The following SORCS1 variants were observed in gnomAD, a reference collection of about 807,000 sequenced individuals.
SORCS1 encodes sortilin related VPS10 domain containing receptor 1.
Under a neutral mutation model 146.1 loss-of-function variants are expected in SORCS1, and 60 were observed. The observed-to-expected ratio is 0.41, with a 90% CI of 0.33 to 0.51. SORCS1 has a LOEUF of 0.51. Among genes scored for constraint, SORCS1 ranks in the 20% least tolerant of loss-of-function variants. The probability of loss-of-function intolerance (pLI) is 0.21; values close to 1 mark genes in which losing one functional copy is unlikely to be tolerated. For missense variants in SORCS1, 1,352 were observed against 1,487.6 expected (o/e 0.91, Z 1.50); for synonymous variants, 637 against 584.0 (o/e 1.09, Z -1.31).
At chr10:106,699,658 C>T (rs553081927) in intron 8 of SORCS1, among the ~76,000 whole-genome samples, 13 of 152,226 alleles carry the variant, frequency 8.5e-5, no homozygotes, top group Admixed American at 2.0e-4. Flanking sequence ...TTACATAATT[C>T]GAAAAATGCT....
At chr10:106,919,926 CA>C (rs1952627665) in intron 2 of SORCS1, among the ~76,000 whole-genome samples, 1 of 152,290 alleles carries the variant, frequency 6.6e-6, no homozygotes, top group South Asian at 2.1e-4. Flanking sequence ...TTGAGTTTCA[CA>C]ATATACCTGA....
chr10:106,927,536 C>A (rs1000286141), intron 2 of SORCS1, among the ~76,000 whole-genome samples: 1 of 152,100 alleles, frequency 6.6e-6, no homozygotes, highest in Non-Finnish European at 1.5e-5. Flanking sequence ...GGGACATGAG[C>A]GGGTTGCCAC....
At chr10:107,067,883 C>T (rs1454288510) in intron 1 of SORCS1, among the ~76,000 whole-genome samples, 3 of 152,088 alleles carry the variant, frequency 2.0e-5, no homozygotes, top group Non-Finnish European at 4.4e-5. Context: ...TCAGAAAGTG[C>T]CTGGCACATT....
chr10:106,964,054 A>G (rs7918700), intron 1 of SORCS1, among the ~76,000 whole-genome samples: 108,193 of 152,126 alleles, frequency 0.71, 38,597 homozygotes, highest in African/African-American at 0.75. Context: ...TGATTCTGAT[A>G]AAGACGAGAG....
chr10:107,034,705 A>AAAAAAAAAAAAAC, intron 1 of SORCS1, among the ~76,000 whole-genome samples: 1 of 147,718 alleles, frequency 6.8e-6, no homozygotes. Flanking sequence ...AAAAAAAAAA[A>AAAAAAAAAAAAAC]AACAATGTTC....
chr10:107,108,547 T>C (rs1965463484), intron 1 of SORCS1, among the ~76,000 whole-genome samples: 1 of 152,162 alleles, frequency 6.6e-6, no homozygotes, highest in East Asian at 1.9e-4. Context: ...TCTACCCTTA[T>C]GACTCAAATA....
intron 3 of SORCS1, among the ~76,000 whole-genome samples, chr10:106,791,915 C>T (rs1946339241): frequency 6.6e-6 from 1 of 152,046 alleles, no homozygotes; most frequent in Non-Finnish European, 1.5e-5. Flanking sequence ...TTTTTCATTC[C>T]TTTTTCCCTC....
chr10:106,640,159 G>T (rs1318000058), intron 18 of SORCS1, among the ~76,000 whole-genome samples: 2 of 152,202 alleles, frequency 1.3e-5, no homozygotes, highest in African/African-American at 4.8e-5. Flanking sequence ...AGACAAGTGA[G>T]TATCTTGAAG....
At chr10:106,739,897 G>A (rs887398207) in intron 5 of SORCS1, among the ~76,000 whole-genome samples, 3 of 150,778 alleles carry the variant, frequency 2.0e-5, no homozygotes, top group African/African-American at 7.3e-5. Flanking sequence ...CTTGCAATGA[G>A]CTGAGATCAC....
intron 1 of SORCS1, among the ~76,000 whole-genome samples, chr10:106,985,200 TAA>T (rs1339229876): frequency 6.6e-6 from 1 of 151,982 alleles, no homozygotes; most frequent in Non-Finnish European, 1.5e-5. Context: ...AATGAATACA[TAA>T]ATAAATAAAA....
chr10:106,902,388 TA>T (rs1467768435), intron 2 of SORCS1, among the ~76,000 whole-genome samples: 1 of 151,948 alleles, frequency 6.6e-6, no homozygotes, highest in East Asian at 1.9e-4. Flanking sequence ...AATAGCTAAT[TA>T]AAAAGAAATC....
At chr10:106,691,560 A>C (rs1380996126) in intron 9 of SORCS1, among the ~76,000 whole-genome samples, 2 of 152,244 alleles carry the variant, frequency 1.3e-5, no homozygotes, top group African/African-American at 4.8e-5. Context: ...AGCCTAACAC[A>C]AAGTACATCG....
intron 18 of SORCS1, among the ~76,000 whole-genome samples, chr10:106,631,712 T>C (rs1237641942): frequency 6.6e-6 from 1 of 152,212 alleles, no homozygotes; most frequent in Admixed American, 6.5e-5. Flanking sequence ...CAGTCAACTC[T>C]ACTTCAGCCT....
intron 1 of SORCS1, among the ~76,000 whole-genome samples, chr10:107,130,114 G>A (rs1200221744): frequency 1.3e-5 from 2 of 152,134 alleles, no homozygotes; most frequent in Admixed American, 1.3e-4. Flanking sequence ...GGAGGGAATC[G>A]CTGTCTTCCA....
chr10:107,050,005 AG>A (rs1468129220), intron 1 of SORCS1, among the ~76,000 whole-genome samples: 1 of 152,222 alleles, frequency 6.6e-6, no homozygotes, highest in Non-Finnish European at 1.5e-5. Flanking sequence ...GCATAAAATT[AG>A]TTTTTCCACA....
chr10:107,043,547 G>A (rs1294722365), intron 1 of SORCS1, among the ~76,000 whole-genome samples: 1 of 152,126 alleles, frequency 6.6e-6, no homozygotes, highest in Non-Finnish European at 1.5e-5. Flanking sequence ...TATTTAACAA[G>A]TTAACGAGTC....
At chr10:106,944,680 A>T (rs764012257) in intron 2 of SORCS1, among the ~76,000 whole-genome samples, 2 of 152,108 alleles carry the variant, frequency 1.3e-5, no homozygotes, top group African/African-American at 2.4e-5. Context: ...ATTTCACCTG[A>T]ATACCTTTGT....
In SORCS1 at chr10:107,060,649, T is replaced by A. The variant is rs1961110729; in HGVS notation, c.558+103320A>T. Among the ~76,000 whole-genome samples, 1 of 152,174 alleles carries A rather than the reference T, an allele frequency of 6.6e-6. No homozygotes were observed. The highest frequency in any genetic ancestry group is 2.1e-4 in the South Asian group (1 of 4,834). On this transcript the variant is annotated intron_variant, in intron 1 of 25. Transcript: ENST00000263054. The surrounding 1 kb of genome is among the most constrained non-coding windows in gnomAD (Gnocchi z 4.1). The stretch of plus-strand genomic sequence containing the variant: ...CCAACAACCCTTTTCCCTTACTTTG[T>A]GATATTTGTGACCATGAGTCCCCGG...
intron 1 of SORCS1, among the ~76,000 whole-genome samples, chr10:106,985,303 T>C (rs1040998164): frequency 6.6e-5 from 10 of 152,220 alleles, no homozygotes; most frequent in Non-Finnish European, 1.2e-4. Context: ...AAACATTACA[T>C]GAAATACGTT....
Sources: allele counts gnomAD v4.1 joint callset (sites outside exome capture counted in the v4.1 genomes callset), GRCh38; gene constraint gnomAD v4.1.1; non-coding constraint Gnocchi (gnomAD v3.1); transcripts MANE v1.5; gene names NCBI Gene and HGNC (gene_info 2026-07-23, HGNC 2026-07-21).